Variants in VAC14 observed in about 807,000 individuals in gnomAD.
VAC14 encodes the protein protein VAC14 homolog.
In VAC14, 47 loss-of-function variants were observed where a neutral mutation model predicts 85.3. The ratio of observed to expected loss-of-function variants is 0.55; its 90% CI spans 0.44 to 0.70. The LOEUF is 0.70. Ranked by LOEUF, VAC14 falls within the 30% of genes least tolerant of loss-of-function variation. VAC14 has a pLI of 0.00. For missense variants in VAC14, 861 were observed against 1,004.3 expected (o/e 0.86, Z 1.93); for synonymous variants, 447 against 430.5 (o/e 1.04, Z -0.47).
At chr16:70,688,812 C>T in intron 18 of VAC14, 1 of 985,630 alleles carries the variant, frequency 1.0e-6, no homozygotes, top group Non-Finnish European at 1.2e-6. Context: ...CTTAGCTTGC[C>T]CCTGGCGATG....
chr16:70,734,176 T>C (rs561476115), intron 13 of VAC14, among the ~76,000 whole-genome samples: 1 of 152,264 alleles, frequency 6.6e-6, no homozygotes, highest in East Asian at 1.9e-4. Flanking sequence ...TCTTGCTCTG[T>C]TGCCCAGGCT....
intron 4 of VAC14, 89 bp downstream of exon 4, chr16:70,784,687 G>A: frequency 8.1e-7 from 1 of 1,239,342 alleles, no homozygotes; most frequent in Non-Finnish European, 1.2e-6. Flanking sequence ...AATTCAAGAA[G>A]AACATTCCCA....
At chr16:70,777,913 C>T (rs957507879) in intron 9 of VAC14, among the ~76,000 whole-genome samples, 5 of 152,154 alleles carry the variant, frequency 3.3e-5, no homozygotes, top group Admixed American at 6.5e-5. Context: ...CCCTGACCAG[C>T]GAAGCTATCT....
At chr16:70,781,046 GT>G (rs1175479397) in intron 8 of VAC14, 107 bp from the exon 9 acceptor site, 1 of 1,502,902 alleles carries the variant, frequency 6.7e-7, no homozygotes, top group African/African-American at 1.4e-5. Flanking sequence ...GGTGGGAGGG[GT>G]TTCGGTCATG....
chr16:70,764,212 C>G (rs913502885), intron 10 of VAC14, among the ~76,000 whole-genome samples: 5 of 152,164 alleles, frequency 3.3e-5, no homozygotes, highest in African/African-American at 1.2e-4. Flanking sequence ...AGAGGAATTG[C>G]TATTTAATAT....
At chr16:70,711,202 G>T (rs2054026449) in intron 14 of VAC14, among the ~76,000 whole-genome samples, 1 of 152,240 alleles carries the variant, frequency 6.6e-6, no homozygotes, top group South Asian at 2.1e-4. Context: ...ACCTCCAGGA[G>T]GTCCACGATC....
Position 70,744,425 on chromosome 16 carries a change from G to C in VAC14, c.1526C>G (p.Ser509Cys). The change falls in exon 13 of 19, where the codon TCT becomes TGT. Residue 509 changes from serine (S) to cysteine (C), a missense_variant and splice_region_variant. By Grantham distance (112) the Ser-to-Cys change is moderately radical. Around this residue, in one of 3 missense-constraint regions of VAC14, gnomAD observed 629 missense variants for 703.1 expected, o/e 0.89. Transcript: ENST00000261776. ...AGAACCTTCAGGAGAAGACTTACCA[G>C]AGGTGTTCAGTAGGCCGGCTCTGCC... Reference protein sequence around the residue: ...TPGRAGLLNTSGTKGLECSPS... With the variant: ...TPGRAGLLNTCGTKGLECSPS... 6.2e-7 allele frequency: 1 copy of C among 1,614,076 alleles called. No homozygotes were observed. The highest frequency in any genetic ancestry group is 8.5e-7 in the Non-Finnish European group (1 of 1,180,026).
intron 6 of VAC14, 124 bp from the exon 7 acceptor site, chr16:70,783,263 G>C (rs1010648820): frequency 6.2e-6 from 7 of 1,126,624 alleles, no homozygotes; most frequent in Non-Finnish European, 9.0e-6. Context: ...GGACTTGTCA[G>C]GTGATCATTT....
chr16:70,696,318 G>A (rs1210012848), intron 16 of VAC14, among the ~76,000 whole-genome samples: 1 of 152,180 alleles, frequency 6.6e-6, no homozygotes, highest in African/African-American at 2.4e-5. Context: ...TTTGAGACTA[G>A]CCTGGCCAAC....
At chr16:70,714,643 C>T (rs973656503) in intron 14 of VAC14, 2 of 152,164 alleles carry the variant, frequency 1.3e-5, no homozygotes, top group Non-Finnish European at 2.9e-5. Flanking sequence ...TGACTGAAGC[C>T]AGCGTACCCT....
Position 70,783,059 on chromosome 16 carries a change from A to G in VAC14, c.785T>C (p.Ile262Thr). ...TGTTGTCTGGCAGTGGATCACCAGG[A>G]TGTTGGCCATCTCAGCAAACTTCAC... is the stretch of plus-strand genomic sequence containing the variant. ...SSVKFAEMAN[I>T]LVIHCQTTDD... The change falls in exon 7 of 19, where the codon ATC becomes ACC. Residue 262 changes from isoleucine (I) to threonine (T), a missense_variant. Around this residue, in one of 3 missense-constraint regions of VAC14, gnomAD observed 629 missense variants for 703.1 expected, o/e 0.89. Coordinates refer to ENST00000261776, the MANE Select transcript of VAC14 (RefSeq NM_018052.5). The G allele has an allele frequency of 6.2e-7, 1 of 1,614,180 alleles. No homozygotes were observed. The highest frequency in any genetic ancestry group is 8.5e-7 in the Non-Finnish European group (1 of 1,180,016).
At chr16:70,705,424 G>A (rs2053902799) in intron 14 of VAC14, among the ~76,000 whole-genome samples, 1 of 152,264 alleles carries the variant, frequency 6.6e-6, no homozygotes, top group Non-Finnish European at 1.5e-5. Context: ...GGGCCAACCT[G>A]GCGCTCAAGG....
At chr16:70,784,307 G>A in intron 4 of VAC14, 87 bp from the exon 5 acceptor site, 1 of 1,084,046 alleles carries the variant, frequency 9.2e-7, no homozygotes, top group Non-Finnish European at 1.4e-6. Flanking sequence ...GCTGGCTCCA[G>A]CGCTCAGGCG....
intron 1 of VAC14, among the ~76,000 whole-genome samples, chr16:70,788,683 A>C (rs2034183597): frequency 6.6e-6 from 1 of 152,202 alleles, no homozygotes; most frequent in South Asian, 2.1e-4. Context: ...ATGCTCTACC[A>C]AACAGCTGGA....
intron 10 of VAC14, chr16:70,770,744 C>T (rs1354272229): frequency 6.6e-6 from 1 of 152,222 alleles, no homozygotes; most frequent in Admixed American, 6.5e-5. Flanking sequence ...TTGGAGCCTA[C>T]AGGGGTGAGC....
At chr16:70,800,411 C>T (rs150415541) in intron 1 of VAC14, among the ~76,000 whole-genome samples, 113 of 152,322 alleles carry the variant, frequency 7.4e-4, no homozygotes, top group Admixed American at 2.0e-3. Flanking sequence ...CCAGGCTGGT[C>T]AGCATCACCT....
chr16:70,740,960 T>C lies in VAC14; in HGVS notation c.1528+3463A>G, dbSNP rs117090017. On this transcript the variant is annotated intron_variant, in intron 13 of 18. Coordinates refer to ENST00000261776, the MANE Select transcript of VAC14 (RefSeq NM_018052.5). ...GGCCAACACGGCAGCTACCCAGGCA[T>C]GTGATGGACTCGCTTCTCCACTGCT... is the stretch of plus-strand genomic sequence containing the variant. Among the ~76,000 whole-genome samples, 142 of 152,336 alleles carry C rather than the reference T, an allele frequency of 9.3e-4. 4 individuals carry two copies. The East Asian group carries it at 0.024, about 26-fold the overall frequency.
At position 70,798,647 on chromosome 16, in the gene VAC14, G is replaced by A. The variant is rs563504493; in HGVS notation, c.104+2150C>T. Among the ~76,000 whole-genome samples, 16 of 152,310 alleles carry A rather than the reference G, an allele frequency of 1.1e-4. No individual in the cohort carries two copies. The South Asian group carries it at 3.3e-3, about 32-fold the overall frequency. On this transcript the variant is annotated intron_variant, in intron 1 of 18. Transcript: ENST00000261776. The stretch of plus-strand genomic sequence containing the variant: ...AGATGAGAGGGTCTTTGAGGCCAGT[G>A]CTTCTCAAACTTTAATGTGCACACA...
intron 12 of VAC14, among the ~76,000 whole-genome samples, chr16:70,759,438 C>A (rs527884746): frequency 6.6e-6 from 1 of 152,048 alleles, no homozygotes; most frequent in African/African-American, 2.4e-5. Context: ...ACCAGCCTGG[C>A]CAACGTGGTG....
Sources: allele counts gnomAD v4.1 joint callset (sites outside exome capture counted in the v4.1 genomes callset), GRCh38; gene constraint gnomAD v4.1.1; regional missense constraint gnomAD v4.1.1; transcripts MANE v1.5; gene names NCBI Gene and HGNC (gene_info 2026-07-23, HGNC 2026-07-21).